Variants in XKR9 observed in about 807,000 individuals in gnomAD.
The protein encoded by XKR9 is XK-related protein 9.
XKR9 carries 32 observed loss-of-function variants against 32.0 expected under a neutral mutation model. The observed-to-expected ratio is 1.00, with a 90% confidence interval of 0.76 to 1.34. The LOEUF (loss-of-function observed/expected upper bound fraction) is 1.34, where lower values mean the gene tolerates loss of function less well. Among genes scored for constraint, XKR9 ranks in the 40% most tolerant of loss-of-function variants. XKR9 has a pLI of 0.00. For missense variants in XKR9, 546 were observed against 429.7 expected (o/e 1.27, Z -2.39); for synonymous variants, 168 against 143.4 (o/e 1.17, Z -1.22).
chr8:71,044,262 G>A, the XKR9 span, among the ~76,000 whole-genome samples: 1 of 152,214 alleles, frequency 6.6e-6, no homozygotes, highest in African/African-American at 2.4e-5. Context: ...CATTGCTCTA[G>A]AGAGTGATTT....
chr8:70,736,890 G>A (rs1340715175), downstream of XKR9, among the ~76,000 whole-genome samples: 8 of 152,022 alleles, frequency 5.3e-5, no homozygotes, highest in African/African-American at 1.9e-4. Flanking sequence ...ATAGTTTGAA[G>A]TCAGGTAGCG....
chr8:70,745,729 G>A (rs568347143), intron 2 of XKR9, among the ~76,000 whole-genome samples: 2 of 152,264 alleles, frequency 1.3e-5, no homozygotes, highest in East Asian at 1.9e-4. Context: ...GAAATTGGAC[G>A]TGCTGCCTAA....
the XKR9 span, among the ~76,000 whole-genome samples, chr8:70,911,103 T>C: frequency 6.6e-6 from 1 of 152,228 alleles, no homozygotes; most frequent in Non-Finnish European, 1.5e-5. Flanking sequence ...AGCTGATTAG[T>C]AATCTTTATG....
At chr8:71,005,857 G>C in the XKR9 span, among the ~76,000 whole-genome samples, 1 of 152,272 alleles carries the variant, frequency 6.6e-6, no homozygotes, top group African/African-American at 2.4e-5. Flanking sequence ...TGGCATTCTT[G>C]CTAACTTCCA....
the XKR9 span, among the ~76,000 whole-genome samples, chr8:70,966,617 TG>T: frequency 2.0e-5 from 3 of 152,232 alleles, no homozygotes; most frequent in Admixed American, 6.5e-5. Context: ...TGGAGATTTT[TG>T]TAGATATCTA....
intron 1 of XKR9, among the ~76,000 whole-genome samples, chr8:70,672,750 G>A (rs1342489826): frequency 6.6e-6 from 1 of 152,046 alleles, no homozygotes; most frequent in East Asian, 1.9e-4. Flanking sequence ...TTTAATAACA[G>A]CTATTCTAAC....
the XKR9 span, among the ~76,000 whole-genome samples, chr8:70,851,746 C>G: frequency 6.6e-6 from 1 of 152,198 alleles, no homozygotes; most frequent in Non-Finnish European, 1.5e-5. Flanking sequence ...AAAGCTGAAA[C>G]TGGATCCCTT....
the XKR9 span, among the ~76,000 whole-genome samples, chr8:70,981,678 T>G: frequency 6.6e-6 from 1 of 152,224 alleles, no homozygotes; most frequent in African/African-American, 2.4e-5. Context: ...GATACATTGC[T>G]GGTGAGCTGG....
In XKR9 at chr8:70,681,028, A is replaced by G. The variant is rs1376089531; in HGVS notation, c.-31A>G. ...TTTCCCTTTTTGTGAGGGAGAAAAA[A>G]GTAGATAACGAAAAGCTATAGTCAT... On this transcript the variant is annotated 5_prime_UTR_variant, in exon 3 of 5. Transcript: ENST00000408926. 6.4e-7 allele frequency: 1 copy of G among 1,571,106 alleles called. No homozygotes were observed. Among genetic ancestry groups the G allele is most frequent in the Admixed American group, 1.9e-5 (1 of 53,616 alleles).
At chr8:70,821,146 T>C in the XKR9 span, among the ~76,000 whole-genome samples, 4 of 152,312 alleles carry the variant, frequency 2.6e-5, no homozygotes, top group South Asian at 8.3e-4. Context: ...CCATTACAAA[T>C]GGGAGAAATT....
chr8:70,988,787 A>G, the XKR9 span, among the ~76,000 whole-genome samples: 5 of 152,198 alleles, frequency 3.3e-5, no homozygotes, highest in Non-Finnish European at 2.9e-5. Flanking sequence ...TCATCTTACA[A>G]TGCTGAATCT....
At chr8:70,810,461 G>A in the XKR9 span, among the ~76,000 whole-genome samples, 8 of 152,266 alleles carry the variant, frequency 5.3e-5, no homozygotes, top group African/African-American at 1.9e-4. Flanking sequence ...AAATGTAAAT[G>A]GGCGAAATGC....
At chr8:71,057,027 T>G in the XKR9 span, among the ~76,000 whole-genome samples, 1 of 152,160 alleles carries the variant, frequency 6.6e-6, no homozygotes, top group Admixed American at 6.5e-5. Context: ...TCCACCTTGC[T>G]GGCCATGAAA....
At chr8:70,681,511 G>A (rs112129762) in intron 3 of XKR9, among the ~76,000 whole-genome samples, 181 bp downstream of exon 3, 36 of 152,058 alleles carry the variant, frequency 2.4e-4, no homozygotes, top group African/African-American at 8.4e-4. Context: ...AATTTTCCAG[G>A]TTCATTAATA....
chr8:70,703,778 G>C (rs1175127045), intron 3 of XKR9, among the ~76,000 whole-genome samples: 1 of 152,100 alleles, frequency 6.6e-6, no homozygotes. Context: ...GAAGCTGGTG[G>C]CTTTTTGTTT....
chr8:70,778,710 A>T (rs1807568568), intron 2 of XKR9, among the ~76,000 whole-genome samples: 2 of 152,084 alleles, frequency 1.3e-5, no homozygotes, highest in Admixed American at 1.3e-4. Context: ...CTTTGTAGTA[A>T]TTGTGAATGG....
At chr8:70,753,853 C>G (rs1237806516) in intron 2 of XKR9, among the ~76,000 whole-genome samples, 1 of 148,498 alleles carries the variant, frequency 6.7e-6, no homozygotes, top group African/African-American at 2.4e-5. Flanking sequence ...TGAAAACTGG[C>G]ACAAGACAGG....
chr8:70,780,128 T>A (rs1481234744), intron 2 of XKR9, among the ~76,000 whole-genome samples: 1 of 151,894 alleles, frequency 6.6e-6, no homozygotes, highest in Non-Finnish European at 1.5e-5. Flanking sequence ...ATCTCAATAT[T>A]AGTAATTGTC....
chr8:70,888,089 A>T, the XKR9 span, among the ~76,000 whole-genome samples: 1 of 151,904 alleles, frequency 6.6e-6, no homozygotes, highest in Non-Finnish European at 1.5e-5. Context: ...TCATTCTTCT[A>T]GCTCTTTTTT....
Sources: allele counts gnomAD v4.1 joint callset (sites outside exome capture counted in the v4.1 genomes callset), GRCh38; gene constraint gnomAD v4.1.1; transcripts MANE v1.5; gene names NCBI Gene and HGNC (gene_info 2026-07-23, HGNC 2026-07-21).